YPEL2: variants seen among roughly 807,000 people sequenced by gnomAD.
The protein encoded by YPEL2 is protein yippee-like 2.
YPEL2 carries 2 observed loss-of-function variants against 19.1 expected under a neutral mutation model. The observed-to-expected ratio is 0.10, with a 90% confidence interval of 0.04 to 0.33. YPEL2 has a LOEUF of 0.33. YPEL2 is among the 10% of genes least tolerant of loss of function. YPEL2 has a pLI of 1.00. For synonymous variants in YPEL2, 52 were observed against 50.0 expected (o/e 1.04, Z -0.17); for missense variants, 66 against 140.7 (o/e 0.47, Z 2.68).
chr17:59,382,472 T>C (rs2047954592), intron 2 of YPEL2, among the ~76,000 whole-genome samples: 1 of 152,240 alleles, frequency 6.6e-6, no homozygotes, highest in Non-Finnish European at 1.5e-5. Flanking sequence ...CCCCAGAACA[T>C]TGGCCTTCAC....
intron 1 of YPEL2, among the ~76,000 whole-genome samples, chr17:59,350,584 A>G (rs1367260303): frequency 1.3e-5 from 2 of 152,170 alleles, no homozygotes; most frequent in Non-Finnish European, 2.9e-5. Context: ...TGGAATGTGC[A>G]TGTGTGTGTT....
At chr17:59,383,370 G>T (rs569870554) in intron 2 of YPEL2, among the ~76,000 whole-genome samples, 1 of 150,448 alleles carries the variant, frequency 6.6e-6, no homozygotes, top group Non-Finnish European at 1.5e-5. Flanking sequence ...AGGCCAAGGC[G>T]GGTGGATCAT....
chr17:59,337,901 C>T (rs1045630620), intron 1 of YPEL2, among the ~76,000 whole-genome samples: 1 of 152,216 alleles, frequency 6.6e-6, no homozygotes, highest in Non-Finnish European at 1.5e-5. Flanking sequence ...TTCCCAGACC[C>T]AGGCCTCTTC....
At chr17:59,344,510 C>T (rs1422172791) in intron 1 of YPEL2, among the ~76,000 whole-genome samples, 2 of 152,176 alleles carry the variant, frequency 1.3e-5, no homozygotes, top group Non-Finnish European at 2.9e-5. Flanking sequence ...GTAATCCCAG[C>T]ACTTTGAGAG....
At chr17:59,379,100 A>G (rs1348705536) in intron 2 of YPEL2, among the ~76,000 whole-genome samples, 1 of 152,238 alleles carries the variant, frequency 6.6e-6, no homozygotes, top group Non-Finnish European at 1.5e-5. Context: ...TTCTTACTGC[A>G]GAGAAGATGG....
intron 1 of YPEL2, among the ~76,000 whole-genome samples, chr17:59,345,487 C>T (rs1216601824): frequency 6.6e-6 from 1 of 152,142 alleles, no homozygotes; most frequent in East Asian, 1.9e-4. Context: ...GAAGTTTTAG[C>T]AGTGGCCCCG....
intron 2 of YPEL2, among the ~76,000 whole-genome samples, chr17:59,377,276 A>G (rs1248263374): frequency 1.3e-5 from 2 of 152,158 alleles, no homozygotes; most frequent in African/African-American, 4.8e-5. Context: ...TTTTAACTCT[A>G]ACAGTTGTTT....
intron 2 of YPEL2, among the ~76,000 whole-genome samples, chr17:59,359,280 T>C (rs1181477830): frequency 6.6e-6 from 1 of 152,238 alleles, no homozygotes; most frequent in Non-Finnish European, 1.5e-5. Context: ...TGGAATTATC[T>C]GTGTCCTGAA....
intron 2 of YPEL2, among the ~76,000 whole-genome samples, chr17:59,387,263 A>G (rs1241529998): frequency 1.3e-5 from 2 of 151,364 alleles, no homozygotes; most frequent in Admixed American, 6.6e-5. Flanking sequence ...CATCTAAAAA[A>G]AAAAAAAAAA....
chr17:59,396,072 C>A (rs2048037815), intron 4 of YPEL2, among the ~76,000 whole-genome samples: 1 of 152,174 alleles, frequency 6.6e-6, no homozygotes, highest in Non-Finnish European at 1.5e-5. Context: ...CTGAGCAAGA[C>A]TCCGTCTCAA....
intron 2 of YPEL2, among the ~76,000 whole-genome samples, chr17:59,367,156 T>C (rs2047874391): frequency 6.6e-6 from 1 of 152,206 alleles, no homozygotes; most frequent in African/African-American, 2.4e-5. Context: ...ATTTATTCAG[T>C]AAACATTAAT....
At chr17:59,333,412 C>A (rs1351219579) in intron 1 of YPEL2, among the ~76,000 whole-genome samples, 1 of 152,176 alleles carries the variant, frequency 6.6e-6, no homozygotes, top group Non-Finnish European at 1.5e-5. Context: ...GTGCTTGAAC[C>A]AAAATCAAGA....
At position 59,393,455 on chromosome 17, in the gene YPEL2, G is replaced by T. The variant is rs1249319545; in HGVS notation, c.271-3646G>T. Among the ~76,000 whole-genome samples the T allele has an allele frequency of 3.4e-5, 5 of 148,310 alleles. No individual in the cohort carries two copies. In the East Asian group the frequency reaches 9.9e-4, roughly 29 times the overall value. On this transcript the variant is annotated intron_variant, in intron 4 of 4. Coordinates refer to ENST00000312655, the MANE Select transcript of YPEL2 (RefSeq NM_001005404.4). ...TGGCCGAATTTTTTTTTTCATAATA[G>T]GAAACTCATTTTCTTTTTTTTTATT...
chr17:59,363,871 C>T (rs541816078), intron 2 of YPEL2, among the ~76,000 whole-genome samples: 2 of 152,334 alleles, frequency 1.3e-5, no homozygotes, highest in African/African-American at 4.8e-5. Context: ...AAATCCCACC[C>T]TTTCTTCCCT....
chr17:59,371,567 T>C (rs929501082), intron 2 of YPEL2, among the ~76,000 whole-genome samples: 4 of 152,096 alleles, frequency 2.6e-5, no homozygotes, highest in African/African-American at 9.7e-5. Context: ...CTCTGCAGAG[T>C]CTGCCCTGGC....
intron 2 of YPEL2, among the ~76,000 whole-genome samples, chr17:59,387,456 C>T (rs7222247): frequency 0.99 from 150,944 of 151,850 alleles, 75,024 homozygotes; most frequent in Middle Eastern, 1. Flanking sequence ...GACTAAGATA[C>T]TAAATTCAGG....
intron 2 of YPEL2, among the ~76,000 whole-genome samples, chr17:59,384,342 C>G (rs570661628): frequency 2.0e-5 from 3 of 152,320 alleles, no homozygotes; most frequent in African/African-American, 7.2e-5. Context: ...CAAGTTGTCT[C>G]TGTAGCATAG....
At chr17:59,364,762 C>T (rs989467942) in intron 2 of YPEL2, among the ~76,000 whole-genome samples, 1 of 152,114 alleles carries the variant, frequency 6.6e-6, no homozygotes. Flanking sequence ...ATTACAGGTG[C>T]CTGCCACCAC....
intron 2 of YPEL2, among the ~76,000 whole-genome samples, chr17:59,376,733 A>G (rs2047922818): frequency 6.6e-6 from 1 of 152,052 alleles, no homozygotes; most frequent in South Asian, 2.1e-4. Context: ...TTTCTAACTC[A>G]TTTTTATGAG....
Sources: gnomAD v4.1 joint callset for allele counts (sites outside exome capture counted in the v4.1 genomes callset) on GRCh38, gnomAD v4.1.1 for gene constraint, MANE v1.5 for transcripts, NCBI Gene and HGNC (gene_info 2026-07-23, HGNC 2026-07-21) for gene names.